Variants in ZNF469 observed in about 807,000 individuals in gnomAD.
ZNF469 encodes the protein zinc finger protein 469.
A neutral mutation model predicts 1.0 loss-of-function variants in ZNF469; 1 was observed. That is an observed-to-expected ratio of 1.00 (90% CI 0.35 to 4.73). The LOEUF (loss-of-function observed/expected upper bound fraction) is 4.73. Ranked by LOEUF, ZNF469 falls within the 30% of genes most tolerant of loss-of-function variation. The probability of loss-of-function intolerance (pLI) is 0.16; values close to 1 mark genes in which losing one functional copy is unlikely to be tolerated. For missense variants in ZNF469, 6,100 were observed against 5,356.3 expected, an observed-to-expected ratio of 1.14 and a Z score of -4.33; for synonymous variants, 2,703 against 2,363.4, an observed-to-expected ratio of 1.14 and a Z score of -4.17.
chr16:88,270,609 A>C, the ZNF469 span, among the ~76,000 whole-genome samples: 78 of 152,352 alleles, frequency 5.1e-4, no homozygotes, highest in Non-Finnish European at 9.0e-4. Context: ...GGCTTTTACC[A>C]TACTCGATGC....
At chr16:88,279,729 G>A in the ZNF469 span, among the ~76,000 whole-genome samples, 7 of 151,262 alleles carry the variant, frequency 4.6e-5, no homozygotes, top group African/African-American at 1.7e-4. Context: ...CACGGTTAGT[G>A]CTGCGCCACA....
the ZNF469 span, among the ~76,000 whole-genome samples, chr16:88,323,989 T>C: frequency 6.6e-6 from 1 of 152,188 alleles, no homozygotes; most frequent in Non-Finnish European, 1.5e-5. Flanking sequence ...AGTTACTTAT[T>C]TTGCTCACAA....
chr16:88,233,016 T>C, the ZNF469 span, among the ~76,000 whole-genome samples: 1 of 152,160 alleles, frequency 6.6e-6, no homozygotes, highest in Non-Finnish European at 1.5e-5. Flanking sequence ...CTCTTCCTCC[T>C]CCGCCAGATC....
At chr16:88,130,726 A>AAAGG in the ZNF469 span, among the ~76,000 whole-genome samples, 915 of 149,016 alleles carry the variant, frequency 6.1e-3, no homozygotes, top group African/African-American at 0.022. Flanking sequence ...AAAAAAAAAA[A>AAAGG]AGAGGCACCT....
the ZNF469 span, among the ~76,000 whole-genome samples, chr16:88,108,662 G>T: frequency 5.9e-5 from 9 of 152,196 alleles, no homozygotes; most frequent in East Asian, 1.5e-3. Context: ...TGGTGGTGAC[G>T]CTGTAGGGTG....
the ZNF469 span, among the ~76,000 whole-genome samples, chr16:88,140,524 G>A: frequency 4.6e-5 from 7 of 152,324 alleles, no homozygotes; most frequent in South Asian, 2.1e-4. Context: ...CGTGAGAGAC[G>A]CGATGTTCAA....
At chr16:88,131,011 C>T in the ZNF469 span, among the ~76,000 whole-genome samples, 1 of 152,222 alleles carries the variant, frequency 6.6e-6, no homozygotes, top group African/African-American at 2.4e-5. Flanking sequence ...CCTGTTCCTG[C>T]GTGGCTCGGT....
At chr16:88,146,779 G>A in the ZNF469 span, among the ~76,000 whole-genome samples, 1 of 152,200 alleles carries the variant, frequency 6.6e-6, no homozygotes, top group Admixed American at 6.5e-5. Flanking sequence ...TGAAGGGCCT[G>A]CGGGAGGGAC....
chr16:88,325,151 CAGCTG>C, the ZNF469 span, among the ~76,000 whole-genome samples: 133 of 117,830 alleles, frequency 1.1e-3, no homozygotes, highest in Middle Eastern at 4.2e-3. Context: ...GTCCCGACAG[CAGCTG>C]CGACATACAC....
Position 88,429,526 on chromosome 16 carries a change from G to C in ZNF469, c.2056G>C (p.Glu686Gln). The C allele has an allele frequency of 6.5e-7, 1 of 1,550,156 alleles. No individual in the cohort carries two copies. The highest frequency in any genetic ancestry group is 2.4e-5 in the East Asian group (1 of 40,884). ...LGAEGAFQCL[E>Q]ETPFPHEGPE... The stretch of plus-strand genomic sequence containing the variant: ...AGCCGAGGGTGCCTTCCAGTGCCTG[G>C]AGGAGACCCCATTCCCCCACGAGGG... Residue 686 changes from glutamate (E) to glutamine (Q), a missense_variant, in exon 3 of 3, where the codon GAG becomes CAG. Coordinates refer to ENST00000565624, the MANE Select transcript of ZNF469 (RefSeq NM_001367624.2).
At chr16:88,376,284 G>A in the ZNF469 span, among the ~76,000 whole-genome samples, 2 of 152,248 alleles carry the variant, frequency 1.3e-5, no homozygotes, top group African/African-American at 2.4e-5. Context: ...TTGTCCCCTG[G>A]AGACATAATT....
the ZNF469 span, among the ~76,000 whole-genome samples, chr16:88,311,660 C>G: frequency 2.0e-5 from 3 of 152,130 alleles, no homozygotes; most frequent in Non-Finnish European, 4.4e-5. Flanking sequence ...TCAGGGCTGT[C>G]CCTGCAGCGT....
the ZNF469 span, among the ~76,000 whole-genome samples, chr16:88,153,917 C>T: frequency 2.6e-5 from 4 of 152,214 alleles, no homozygotes; most frequent in African/African-American, 9.7e-5. Context: ...TGGATCAGGG[C>T]CCCACTCTCA....
chr16:88,173,305 A>G, the ZNF469 span, among the ~76,000 whole-genome samples: 1 of 152,260 alleles, frequency 6.6e-6, no homozygotes, highest in Non-Finnish European at 1.5e-5. Context: ...CCAGAAGGCC[A>G]TGGGAAGACA....
the ZNF469 span, among the ~76,000 whole-genome samples, chr16:88,116,524 G>A: frequency 6.6e-6 from 1 of 152,170 alleles, no homozygotes. Flanking sequence ...CCAAAGAAAT[G>A]AAGACGTATC....
Position 88,439,477 on chromosome 16 carries a change from G to T in ZNF469, c.*145G>T, listed in dbSNP as rs1365484005. On this transcript the variant is annotated 3_prime_UTR_variant, in exon 3 of 3. Transcript: ENST00000565624. Reference sequence around the variant, plus strand: ...CTCAGGCCTTGATGTCAGAGCTGAGGTGGTGATGCTTTGAACAGGGCCCAG... The same window carrying T: ...CTCAGGCCTTGATGTCAGAGCTGAGTTGGTGATGCTTTGAACAGGGCCCAG... The T allele has an allele frequency of 2.2e-6, 2 of 930,044 alleles. No homozygotes were observed. Among genetic ancestry groups the T allele is most frequent in the Non-Finnish European group, 3.3e-6 (2 of 606,408 alleles). The allele number at this position is 930,044 out of a possible 1,614,324, so 57.6% of individuals were successfully genotyped here. A position where few individuals can be genotyped will look rare whatever the true frequency, so the allele number is the denominator to read the frequency against.
the ZNF469 span, among the ~76,000 whole-genome samples, chr16:88,361,153 C>G: frequency 5.2e-4 from 79 of 152,238 alleles, no homozygotes; most frequent in African/African-American, 1.6e-3. Context: ...ACCTAGATCC[C>G]TCACATGCGC....
the ZNF469 span, among the ~76,000 whole-genome samples, chr16:88,117,847 G>C: frequency 6.6e-6 from 1 of 152,238 alleles, no homozygotes; most frequent in Non-Finnish European, 1.5e-5. Flanking sequence ...AGGCCGCCGT[G>C]TCGTCAGAGG....
chr16:88,210,306 G>A, the ZNF469 span, among the ~76,000 whole-genome samples: 2 of 151,700 alleles, frequency 1.3e-5, no homozygotes, highest in Non-Finnish European at 2.9e-5. Flanking sequence ...TATATTTGAT[G>A]TATGTTATAA....
Sources: allele counts gnomAD v4.1 joint callset (sites outside exome capture counted in the v4.1 genomes callset), GRCh38; gene constraint gnomAD v4.1.1; transcripts MANE v1.5; gene names NCBI Gene and HGNC (gene_info 2026-07-23, HGNC 2026-07-21).